TMEM106B: variants seen among roughly 807,000 people sequenced by gnomAD.
The protein encoded by TMEM106B is transmembrane protein 106B.
A neutral mutation model predicts 31.1 loss-of-function variants in TMEM106B; 15 were observed. That is an observed-to-expected ratio of 0.48 (90% CI 0.32 to 0.74). The LOEUF (loss-of-function observed/expected upper bound fraction) is 0.74. Among genes scored for constraint, TMEM106B ranks in the 30% least tolerant of loss-of-function variants. TMEM106B has a pLI of 0.03. For missense variants in TMEM106B, 283 were observed against 327.3 expected (o/e 0.86, Z 1.04); for synonymous variants, 126 against 112.5 (o/e 1.12, Z -0.76).
At chr7:12,229,454 TTTTG>T (rs1781967366) in intron 4 of TMEM106B, among the ~76,000 whole-genome samples, 3 of 152,164 alleles carry the variant, frequency 2.0e-5, no homozygotes, top group African/African-American at 7.2e-5. Context: ...AAGCTATACA[TTTTG>T]TTTTTTTTAA....
At chr7:12,217,426 G>A (rs988600137) in intron 2 of TMEM106B, among the ~76,000 whole-genome samples, 1 of 152,184 alleles carries the variant, frequency 6.6e-6, no homozygotes, top group Admixed American at 6.5e-5. Flanking sequence ...CAGCTTGAGA[G>A]TATGAACTTG....
chr7:12,211,726 G>T (rs1298434819), intron 1 of TMEM106B, among the ~76,000 whole-genome samples: 1 of 152,226 alleles, frequency 6.6e-6, no homozygotes, highest in Non-Finnish European at 1.5e-5. Context: ...CGTGGTGCCG[G>T]GATCTTATTT....
intron 4 of TMEM106B, among the ~76,000 whole-genome samples, chr7:12,229,222 T>G (rs559601329): frequency 2.6e-5 from 4 of 152,290 alleles, no homozygotes; most frequent in South Asian, 4.1e-4. Flanking sequence ...AGTTGTTACT[T>G]AAGCATGTGA....
intron 4 of TMEM106B, among the ~76,000 whole-genome samples, chr7:12,227,814 T>G (rs969917768): frequency 1.3e-5 from 2 of 151,960 alleles, no homozygotes; most frequent in Non-Finnish European, 2.9e-5. Flanking sequence ...CTAACCTTTA[T>G]TACTAAATTT....
At chr7:12,215,663 C>T in intron 2 of TMEM106B, 2 of 369,484 alleles carry the variant, frequency 5.4e-6, no homozygotes, top group Non-Finnish European at 1.2e-5. Flanking sequence ...AGCGATCATC[C>T]AGCCTTGGCC....
rs1460309401 is a variant in TMEM106B, at chr7:12,231,880, T to C, written c.730T>C (p.Ser244Pro). ...TTYFGHSEQISQERYQYVDCG... is the reference protein window; with the variant it reads ...TTYFGHSEQIPQERYQYVDCG... ...ATACTTTGGCCACTCTGAACAGATA[T>C]CCCAGGAGAGGTATCAGTATGTCGA... Residue 244 changes from serine (S) to proline (P), a missense_variant, in exon 8 of 8, where the codon TCC (serine) becomes CCC (proline). Ser to Pro is a moderately conservative substitution (Grantham distance 74, BLOSUM62 -1). Transcript: ENST00000396668. 12 of 1,611,650 alleles carry C rather than the reference T, an allele frequency of 7.4e-6. No homozygotes were observed. Among genetic ancestry groups the C allele is most frequent in the African/African-American group, 2.7e-5 (2 of 74,856 alleles).
intron 3 of TMEM106B, among the ~76,000 whole-genome samples, chr7:12,220,850 T>A (rs535672620): frequency 6.6e-6 from 1 of 152,248 alleles, no homozygotes. Context: ...TAAATACCAA[T>A]AATAGAGGAC....
chr7:12,219,032 C>T (rs1781739274), intron 3 of TMEM106B, among the ~76,000 whole-genome samples: 1 of 109,316 alleles, frequency 9.1e-6, no homozygotes, highest in Non-Finnish European at 1.8e-5. Context: ...ACAAGATTTG[C>T]ATGCTCTAGC....
intron 4 of TMEM106B, among the ~76,000 whole-genome samples, chr7:12,225,589 G>T (rs1781884907): frequency 6.7e-6 from 1 of 150,092 alleles, no homozygotes; most frequent in South Asian, 2.1e-4. Flanking sequence ...ATATCTCATT[G>T]TGGTTTTGAT....
At chr7:12,224,085 T>G (rs1781845746) in intron 3 of TMEM106B, 141 bp from the exon 4 acceptor site, 3 of 739,234 alleles carry the variant, frequency 4.1e-6, no homozygotes, top group Non-Finnish European at 6.9e-6. Context: ...CCCAATACTT[T>G]CAGATGTGAA....
chr7:12,235,449 G>T lies in TMEM106B; in HGVS notation c.*3474G>T, dbSNP rs1209136804. The T allele has an allele frequency of 1.3e-5, 2 of 152,034 alleles. No homozygotes were observed. The highest frequency in any genetic ancestry group is 3.9e-4 in the East Asian group (2 of 5,178). The allele number at this position is 152,034 out of a possible 1,614,324, so 9.4% of individuals were successfully genotyped here. On this transcript the variant is annotated 3_prime_UTR_variant, in exon 8 of 8. Transcript: ENST00000396668. ...AAGCAATTATTTTCTCTAAGAAAAT[G>T]ACAATAAAATATAACACACTTCAGA... is the stretch of plus-strand genomic sequence containing the variant.
intron 2 of TMEM106B, 113 bp downstream of exon 2, chr7:12,215,140 T>G: frequency 1.3e-6 from 1 of 794,450 alleles, no homozygotes. Context: ...AGAATTAAAG[T>G]TGAAACATCA....
Position 12,230,553 on chromosome 7 carries a change from G to T in TMEM106B, c.632+115G>T, listed in dbSNP as rs1782000300. Reference sequence around the variant, plus strand: ...TTATCAGTCAAAAAGAGTACATTATGTAGTATTCTGGCTTCTGGTCCTCTC... The same window carrying T: ...TTATCAGTCAAAAAGAGTACATTATTTAGTATTCTGGCTTCTGGTCCTCTC... On this transcript the variant is annotated intron_variant, in intron 6 of 7. Transcript: ENST00000396668. 5.9e-5 allele frequency: 39 copies of T among 657,176 alleles called. No homozygotes were observed. The South Asian group carries it at 8.3e-4, about 14-fold the overall frequency. The allele number at this position is 657,176 out of a possible 1,614,324, so 40.7% of individuals were successfully genotyped here. A position where few individuals can be genotyped will look rare whatever the true frequency, so the allele number is the denominator to read the frequency against.
rs1477097898 is a variant in TMEM106B at position 12,232,602 on chromosome 7, AT to A, written c.*631del. ...ATCTTTGCAAAATTCCATACCTAAAATTTTGAAAGCCCCTAATGTTTTCACA... is the reference window on the plus strand; with the variant it reads ...ATCTTTGCAAAATTCCATACCTAAAATTTGAAAGCCCCTAATGTTTTCACA... On this transcript the variant is annotated 3_prime_UTR_variant, in exon 8 of 8. Coordinates refer to ENST00000396668, the MANE Select transcript of TMEM106B (RefSeq NM_001134232.2). 1 of 152,292 alleles carries A rather than the reference AT, an allele frequency of 6.6e-6. No homozygotes were observed. Among genetic ancestry groups the A allele is most frequent in the Non-Finnish European group, 1.5e-5 (1 of 67,788 alleles). 9.4% of individuals were successfully genotyped at this position (152,292 alleles called of 1,614,324 possible). A position where few individuals can be genotyped will look rare whatever the true frequency, so the allele number is the denominator to read the frequency against.
rs1261676632 is a variant in TMEM106B, at chr7:12,234,092, A to G, written c.*2117A>G. On this transcript the variant is annotated 3_prime_UTR_variant, in exon 8 of 8. Transcript: ENST00000396668. Reference sequence around the variant, plus strand: ...TTTATTATCACCATTCATTTCTTCAAAATTATCTTTTAGATACGCTCATAC... The same window carrying G: ...TTTATTATCACCATTCATTTCTTCAGAATTATCTTTTAGATACGCTCATAC... 6.6e-6 allele frequency: 1 copy of G among 151,784 alleles called. No individual in the cohort carries two copies. The highest frequency in any genetic ancestry group is 1.5e-5 in the Non-Finnish European group (1 of 67,722). The allele number at this position is 151,784 out of a possible 1,614,324, so 9.4% of individuals were successfully genotyped here. A position where few individuals can be genotyped will look rare whatever the true frequency, so the allele number is the denominator to read the frequency against.
chr7:12,229,343 C>T (rs1188170120), intron 4 of TMEM106B, among the ~76,000 whole-genome samples: 3 of 152,044 alleles, frequency 2.0e-5, no homozygotes, highest in Non-Finnish European at 2.9e-5. Context: ...ATAGCAATTT[C>T]TTTTAAACAA....
Position 12,232,004 on chromosome 7 carries a change from A to G in TMEM106B, c.*29A>G. ...CTGGAAGAGATGGATTTAAAGAAGA[A>G]ATATCTATTGATATTTCCTATACTC... On this transcript the variant is annotated 3_prime_UTR_variant, in exon 8 of 8. Coordinates refer to ENST00000396668, the MANE Select transcript of TMEM106B (RefSeq NM_001134232.2). 1 of 1,602,214 alleles carries G rather than the reference A, an allele frequency of 6.2e-7. No homozygotes were observed.
chr7:12,240,416 T>TCA lies in TMEM106B; in HGVS notation c.*8441_*8442insCA, dbSNP rs1782219900. The TCA allele has an allele frequency of 6.6e-6, 1 of 152,208 alleles. No individual in the cohort carries two copies. Among genetic ancestry groups the TCA allele is most frequent in the African/African-American group, 2.4e-5 (1 of 41,460 alleles). 9.4% of individuals were successfully genotyped at this position (152,208 alleles called of 1,614,324 possible). A position where few individuals can be genotyped will look rare whatever the true frequency, so the allele number is the denominator to read the frequency against. On this transcript the variant is annotated 3_prime_UTR_variant, in exon 8 of 8. Transcript: ENST00000396668. ...GTCACAAAGTTTGAGCCAAGTTTTT[T>TCA]TGTTTTAAACTTGTTTTAAACTTTT...
rs1403030646 is a variant in TMEM106B at position 12,238,738 on chromosome 7, A to G, written c.*6763A>G. 1 of 152,178 alleles carries G rather than the reference A, an allele frequency of 6.6e-6. No homozygotes were observed. The highest frequency in any genetic ancestry group is 2.4e-5 in the African/African-American group (1 of 41,446). The allele number at this position is 152,178 out of a possible 1,614,324, so 9.4% of individuals were successfully genotyped here. A position where few individuals can be genotyped will look rare whatever the true frequency, so the allele number is the denominator to read the frequency against. ...TGGGTGACCAGGTACATTGTCAATG[A>G]GTAGTAATACTTTGAAAGGAATTTT... On this transcript the variant is annotated 3_prime_UTR_variant, in exon 8 of 8. Transcript: ENST00000396668.
Sources: allele counts gnomAD v4.1 joint callset (sites outside exome capture counted in the v4.1 genomes callset), GRCh38; gene constraint gnomAD v4.1.1; transcripts MANE v1.5; gene names NCBI Gene and HGNC (gene_info 2026-07-23, HGNC 2026-07-21).